PSD3: variants seen among roughly 807,000 people sequenced by gnomAD.
The protein encoded by PSD3 is pleckstrin and Sec7 domain containing 3, also known as PH and SEC7 domain-containing protein 3.
Under a neutral mutation model 105.5 loss-of-function variants are expected in PSD3, and 49 were observed. The observed-to-expected ratio is 0.46, with a 90% confidence interval of 0.37 to 0.59. The LOEUF is 0.59. Ranked by LOEUF, PSD3 falls within the 20% of genes least tolerant of loss-of-function variation. The probability of loss-of-function intolerance (pLI) is 0.00; values close to 1 mark genes in which losing one functional copy is unlikely to be tolerated. For synonymous variants in PSD3, 557 were observed against 457.8 expected, an observed-to-expected ratio of 1.22 and a Z score of -2.77; for missense variants, 1,561 against 1,263.8, an observed-to-expected ratio of 1.24 and a Z score of -3.57.
At chr8:18,702,627 T>C (rs1039609240) in intron 9 of PSD3, among the ~76,000 whole-genome samples, 4 of 152,112 alleles carry the variant, frequency 2.6e-5, no homozygotes, top group Admixed American at 6.5e-5. Flanking sequence ...TTCTTTCTTT[T>C]TTTGAGATGG....
chr8:18,692,953 T>C (rs978844491), intron 9 of PSD3, among the ~76,000 whole-genome samples: 6 of 151,960 alleles, frequency 3.9e-5, no homozygotes, highest in Admixed American at 6.6e-5. Context: ...CTACCGGGGG[T>C]AGAATGTCCA....
intron 9 of PSD3, among the ~76,000 whole-genome samples, chr8:18,748,345 G>A (rs546302282): frequency 3.9e-4 from 60 of 152,272 alleles, no homozygotes; most frequent in African/African-American, 1.3e-3. Flanking sequence ...AGGAAGGGAA[G>A]TGGTAGAGAG....
intron 9 of PSD3, among the ~76,000 whole-genome samples, chr8:18,727,941 T>C (rs187422473): frequency 9.9e-4 from 151 of 152,256 alleles, no homozygotes; most frequent in Non-Finnish European, 1.6e-3. Flanking sequence ...ATTTAGTCTA[T>C]TAGAACACAT....
chr8:18,564,374 A>T (rs984686659), intron 14 of PSD3, among the ~76,000 whole-genome samples: 3 of 152,154 alleles, frequency 2.0e-5, no homozygotes, highest in Non-Finnish European at 4.4e-5. Flanking sequence ...CACGCCTGTA[A>T]TCCCAACACT....
intron 4 of PSD3, among the ~76,000 whole-genome samples, chr8:18,856,865 T>C (rs1360613825): frequency 6.6e-6 from 1 of 152,246 alleles, no homozygotes; most frequent in Non-Finnish European, 1.5e-5. Context: ...TTACTGATAA[T>C]AGCCAACATT....
At chr8:18,538,790 C>A (rs924006342) in intron 15 of PSD3, among the ~76,000 whole-genome samples, 5 of 152,196 alleles carry the variant, frequency 3.3e-5, no homozygotes, top group African/African-American at 4.8e-5. Context: ...TTTTACAGCT[C>A]CAGCTGCAAA....
At chr8:18,790,502 C>T (rs575819902) in intron 8 of PSD3, among the ~76,000 whole-genome samples, 10 of 151,890 alleles carry the variant, frequency 6.6e-5, no homozygotes, top group Non-Finnish European at 1.2e-4. Context: ...TGGGGTTTCA[C>T]CATGTTAGCC....
intron 15 of PSD3, among the ~76,000 whole-genome samples, chr8:18,539,220 C>T (rs1014759258): frequency 1.3e-5 from 2 of 152,204 alleles, no homozygotes; most frequent in Admixed American, 6.5e-5. Context: ...TATGTAAATG[C>T]TATCCAGAGG....
intron 1 of PSD3, among the ~76,000 whole-genome samples, chr8:18,991,313 G>C (rs13256848): frequency 1.3e-5 from 2 of 150,146 alleles, no homozygotes; most frequent in African/African-American, 2.5e-5. Flanking sequence ...TTACTCTCTC[G>C]GACAATAATC....
chr8:18,574,153 A>G (rs1585277999), intron 13 of PSD3, among the ~76,000 whole-genome samples: 1 of 152,162 alleles, frequency 6.6e-6, no homozygotes, highest in South Asian at 2.1e-4. Flanking sequence ...TCAATAAACA[A>G]AAAGTAAAAA....
chr8:18,819,277 G>C (rs138388903), intron 4 of PSD3, among the ~76,000 whole-genome samples: 1 of 152,186 alleles, frequency 6.6e-6, no homozygotes, highest in East Asian at 1.9e-4. Flanking sequence ...AACTAAAAAA[G>C]ACAGAGTCTA....
chr8:18,641,695 G>A (rs1170225346), intron 10 of PSD3, among the ~76,000 whole-genome samples: 2 of 152,144 alleles, frequency 1.3e-5, no homozygotes, highest in African/African-American at 2.4e-5. Context: ...CCTCAATAAA[G>A]CAGTTTAAAA....
chr8:19,034,443 C>T (rs1827877671), intron 1 of PSD3, among the ~76,000 whole-genome samples: 1 of 152,130 alleles, frequency 6.6e-6, no homozygotes, highest in African/African-American at 2.4e-5. Context: ...GGTGGTCATC[C>T]AGTTTCTGCT....
At chr8:18,682,548 T>TA (rs1183492735) in intron 9 of PSD3, among the ~76,000 whole-genome samples, 3 of 152,052 alleles carry the variant, frequency 2.0e-5, no homozygotes, top group East Asian at 1.9e-4. Context: ...TAAAGCTTTT[T>TA]AAAAAAACAG....
intron 9 of PSD3, among the ~76,000 whole-genome samples, chr8:18,721,707 G>C (rs1253703328): frequency 1.3e-5 from 2 of 152,136 alleles, no homozygotes; most frequent in African/African-American, 4.8e-5. Flanking sequence ...TATTAACACA[G>C]GGCAAGAGGG....
chr8:18,972,682 T>C (rs1824722832), intron 1 of PSD3, among the ~76,000 whole-genome samples: 1 of 152,260 alleles, frequency 6.6e-6, no homozygotes, highest in East Asian at 1.9e-4. Flanking sequence ...TTCATAAAAA[T>C]AGGCCAGAAA....
At chr8:19,003,770 T>A (rs1826523527) in intron 1 of PSD3, among the ~76,000 whole-genome samples, 1 of 151,852 alleles carries the variant, frequency 6.6e-6, no homozygotes, top group African/African-American at 2.4e-5. Context: ...GGACTTGGGT[T>A]GTCTTGGATC....
At position 18,793,951 on chromosome 8, in the gene PSD3, T is replaced by C. The variant is rs1418742946; in HGVS notation, c.2082+5344A>G. 2.9e-5 allele frequency among the ~76,000 whole-genome samples: 2 copies of C among 68,726 alleles called. 1 individual carries two copies. Among genetic ancestry groups the C allele is most frequent in the Non-Finnish European group, 8.8e-5 (2 of 22,684 alleles). 45.1% of individuals were successfully genotyped at this position (68,726 alleles called of 152,430 possible). A position where few individuals can be genotyped will look rare whatever the true frequency, so the allele number is the denominator to read the frequency against. On this transcript the variant is annotated intron_variant, in intron 8 of 15. Transcript: ENST00000327040. ...TATAAAATAGCACAATATGAAGCTG[T>C]GGGGAAAAGCAAGAGAGATCAGATT... is the stretch of plus-strand genomic sequence containing the variant.
intron 1 of PSD3, among the ~76,000 whole-genome samples, chr8:19,033,010 G>A (rs1246604729): frequency 2.0e-5 from 3 of 152,018 alleles, no homozygotes; most frequent in East Asian, 1.9e-4. Context: ...CTTGGGAAGC[G>A]GAGGTGGGAA....
Sources: gnomAD v4.1 joint callset for allele counts (sites outside exome capture counted in the v4.1 genomes callset) on GRCh38, gnomAD v4.1.1 for gene constraint, MANE v1.5 for transcripts, NCBI Gene and HGNC (gene_info 2026-07-23, HGNC 2026-07-21) for gene names.